Variants in PTPRN2 observed in about 807,000 individuals in gnomAD.
The protein encoded by PTPRN2 is protein tyrosine phosphatase receptor type N2.
In PTPRN2, 74 loss-of-function variants were observed where a neutral mutation model predicts 118.8. That is an observed-to-expected ratio of 0.62 (90% CI 0.52 to 0.76). The LOEUF (loss-of-function observed/expected upper bound fraction) is 0.76. Among genes scored for constraint, PTPRN2 ranks in the 30% least tolerant of loss-of-function variants. The probability of loss-of-function intolerance (pLI) is 0.00; values close to 1 mark genes in which losing one functional copy is unlikely to be tolerated. For missense variants in PTPRN2, 1,481 were observed against 1,394.4 expected (o/e 1.06, Z -0.99); for synonymous variants, 641 against 608.0 (o/e 1.05, Z -0.80).
intron 21 of PTPRN2, among the ~76,000 whole-genome samples, chr7:157,557,172 C>T (rs976712330): frequency 4.0e-5 from 6 of 151,080 alleles, no homozygotes; most frequent in African/African-American, 1.5e-4. Context: ...CACATATATA[C>T]ACAGGCATGC....
At chr7:158,421,122 T>C (rs2129422784) in intron 2 of PTPRN2, among the ~76,000 whole-genome samples, 1 of 152,304 alleles carries the variant, frequency 6.6e-6, no homozygotes, top group East Asian at 1.9e-4. Flanking sequence ...GCTCAGATCT[T>C]CAGTCCAGGC....
chr7:158,511,526 AGGCTGGTGC>A (rs1262132551), intron 1 of PTPRN2, among the ~76,000 whole-genome samples: 2 of 152,244 alleles, frequency 1.3e-5, no homozygotes, highest in African/African-American at 4.8e-5. Context: ...CCATCCACAC[AGGCTGGTGC>A]CATCCCTCCC....
intron 9 of PTPRN2, among the ~76,000 whole-genome samples, chr7:158,112,013 G>A (rs1816322850): frequency 6.6e-6 from 1 of 152,060 alleles, no homozygotes; most frequent in Non-Finnish European, 1.5e-5. Context: ...CCACCCACAA[G>A]CTGAAGTCAT....
intron 12 of PTPRN2, among the ~76,000 whole-genome samples, chr7:157,703,862 C>T (rs369682807): frequency 5.9e-5 from 9 of 152,262 alleles, no homozygotes; most frequent in Non-Finnish European, 1.2e-4. Flanking sequence ...GCTGCCTCTC[C>T]CCTGCCCTCC....
intron 10 of PTPRN2, among the ~76,000 whole-genome samples, chr7:158,087,971 T>G (rs201153699): frequency 3.2e-3 from 251 of 79,016 alleles, no homozygotes; most frequent in Non-Finnish European, 4.9e-3. Context: ...CTTCCCCTGA[T>G]GAAAGAGGGA....
chr7:158,417,060 A>C (rs1041993486), intron 2 of PTPRN2, among the ~76,000 whole-genome samples: 1 of 146,990 alleles, frequency 6.8e-6, no homozygotes, highest in Non-Finnish European at 1.5e-5. Context: ...AGTGCACTAC[A>C]TCAAGATGCT....
chr7:158,120,636 G>A (rs1817085483), intron 9 of PTPRN2, among the ~76,000 whole-genome samples: 1 of 152,164 alleles, frequency 6.6e-6, no homozygotes, highest in East Asian at 1.9e-4. Context: ...TGAGAAACAA[G>A]CCATTTTCCT....
chr7:158,167,273 C>G lies in PTPRN2; in HGVS notation c.568G>C (p.Glu190Gln). 4 of 1,602,266 alleles carry G rather than the reference C, an allele frequency of 2.5e-6. No homozygotes were observed. The highest frequency in any genetic ancestry group is 3.4e-6 in the Non-Finnish European group (4 of 1,173,812). The change falls in exon 6 of 23, where the codon GAG (glutamate) becomes CAG (glutamine). Residue 190 changes from glutamate to glutamine, a missense_variant. By Grantham distance (29) the Glu-to-Gln change is conservative. Transcript: ENST00000389418. Reference sequence around the variant, plus strand: ...TGGGCCACATAGGTCAGGATGCTCTCGGAGAAGCGGTCATCACCCTGAAGG... The same window carrying G: ...TGGGCCACATAGGTCAGGATGCTCTGGGAGAAGCGGTCATCACCCTGAAGG... ...PPAEGDDRFS[E>Q]SILTYVAHTS...
intron 12 of PTPRN2, among the ~76,000 whole-genome samples, chr7:157,689,668 C>G (rs1293446132): frequency 1.3e-5 from 2 of 152,236 alleles, no homozygotes; most frequent in Non-Finnish European, 2.9e-5. Flanking sequence ...TGAAGTCCCT[C>G]GTTCCAACAG....
chr7:157,651,755 T>C (rs2150727195), intron 14 of PTPRN2, among the ~76,000 whole-genome samples: 1 of 152,386 alleles, frequency 6.6e-6, no homozygotes, highest in South Asian at 2.1e-4. Flanking sequence ...ACGCAGCCGC[T>C]TTGATAACCG....
At chr7:158,373,576 A>G (rs1057490355) in intron 2 of PTPRN2, among the ~76,000 whole-genome samples, 16 of 152,232 alleles carry the variant, frequency 1.1e-4, no homozygotes, top group Admixed American at 2.0e-4. Flanking sequence ...CTGCCACTGA[A>G]GCAAACGAAG....
In PTPRN2 at chr7:157,964,473, T is replaced by C. The variant is rs1216744695; in HGVS notation, c.1724-65736A>G. 6.6e-6 allele frequency among the ~76,000 whole-genome samples: 1 copy of C among 151,988 alleles called. No homozygotes were observed. The highest frequency in any genetic ancestry group is 1.5e-5 in the Non-Finnish European group (1 of 67,994). ...AATCACCTGAATGAGTCAAGACAGT[T>C]AAACTTGAGGGTGATTTGGGAATGA... is the stretch of plus-strand genomic sequence containing the variant. On this transcript the variant is annotated intron_variant, in intron 11 of 22. Transcript: ENST00000389418. The surrounding 1 kb of genome is among the most constrained non-coding windows in gnomAD (Gnocchi z 9.0).
intron 11 of PTPRN2, among the ~76,000 whole-genome samples, chr7:157,947,195 C>T (rs1410217265): frequency 2.3e-5 from 3 of 132,280 alleles, no homozygotes; most frequent in Non-Finnish European, 4.7e-5. Context: ...GGGCCAAAGA[C>T]TCCATCAGGT....
intron 14 of PTPRN2, among the ~76,000 whole-genome samples, chr7:157,652,396 A>T (rs1278453366): frequency 6.6e-6 from 1 of 152,200 alleles, no homozygotes; most frequent in Admixed American, 6.5e-5. Context: ...ACAGGGGAGA[A>T]GAAGGTTGGA....
chr7:158,438,683 T>C lies in PTPRN2; in HGVS notation c.163+51052A>G, dbSNP rs1242566075. ...TTTGCTAATGATGAATCGTGCTGTG[T>C]GAAAATACACTTTAGGCTGATGCCC... On this transcript the variant is annotated intron_variant, in intron 2 of 22. Coordinates refer to ENST00000389418, the MANE Select transcript of PTPRN2 (RefSeq NM_002847.5). The surrounding 1 kb of genome is among the most constrained non-coding windows in gnomAD (Gnocchi z 4.7). Among the ~76,000 whole-genome samples the C allele has an allele frequency of 6.6e-6, 1 of 152,210 alleles. No individual in the cohort carries two copies. The highest frequency in any genetic ancestry group is 1.5e-5 in the Non-Finnish European group (1 of 68,042).
intron 15 of PTPRN2, among the ~76,000 whole-genome samples, chr7:157,612,381 G>C (rs927285695): frequency 2.6e-5 from 4 of 152,226 alleles, no homozygotes; most frequent in African/African-American, 4.8e-5. Context: ...TCGTCTGTGC[G>C]AGCAGCGCAG....
At chr7:158,259,390 G>A (rs1052323496) in intron 3 of PTPRN2, among the ~76,000 whole-genome samples, 2 of 152,132 alleles carry the variant, frequency 1.3e-5, no homozygotes, top group African/African-American at 2.4e-5. Flanking sequence ...CTCATCCCAC[G>A]TCACAACCCG....
At chr7:157,654,420 A>G (rs1159221482) in intron 14 of PTPRN2, among the ~76,000 whole-genome samples, 6 of 152,166 alleles carry the variant, frequency 3.9e-5, no homozygotes, top group Admixed American at 2.6e-4. Context: ...TCAAAACAGC[A>G]TTGGTTGATG....
At chr7:157,783,778 T>C (rs992111296) in intron 12 of PTPRN2, among the ~76,000 whole-genome samples, 5 of 151,948 alleles carry the variant, frequency 3.3e-5, no homozygotes, top group African/African-American at 1.2e-4. Flanking sequence ...TGGATTCGTA[T>C]GACCCTACTT....
Sources: allele counts gnomAD v4.1 joint callset (sites outside exome capture counted in the v4.1 genomes callset), GRCh38; gene constraint gnomAD v4.1.1; non-coding constraint Gnocchi (gnomAD v3.1); transcripts MANE v1.5; gene names NCBI Gene and HGNC (gene_info 2026-07-23, HGNC 2026-07-21).